Variants in GRIK1 observed in about 807,000 individuals in gnomAD.
The protein encoded by GRIK1 is glutamate receptor ionotropic, kainate 1.
A neutral mutation model predicts 105.7 loss-of-function variants in GRIK1; 69 were observed. That is an observed-to-expected ratio of 0.65 (90% CI 0.54 to 0.80). The LOEUF (loss-of-function observed/expected upper bound fraction) is 0.80, where lower values mean the gene tolerates loss of function less well. GRIK1 is among the 30% of genes least tolerant of loss of function. GRIK1 has a pLI of 0.00. For missense variants in GRIK1, 1,109 were observed against 1,167.3 expected (o/e 0.95, Z 0.73); for synonymous variants, 438 against 431.3 (o/e 1.02, Z -0.19).
At chr21:29,600,611 C>T (rs375157232) in intron 7 of GRIK1, among the ~76,000 whole-genome samples, 2 of 152,162 alleles carry the variant, frequency 1.3e-5, no homozygotes, top group East Asian at 1.9e-4. Context: ...CAGTTATTTG[C>T]GCCACGTATA....
chr21:29,717,870 C>G (rs1445232791), intron 1 of GRIK1, among the ~76,000 whole-genome samples: 1 of 152,124 alleles, frequency 6.6e-6, no homozygotes, highest in African/African-American at 2.4e-5. Context: ...TGTCCCCACT[C>G]AAATCTCATC....
chr21:29,854,141 GAGC>G (rs1439382000), intron 1 of GRIK1, among the ~76,000 whole-genome samples: 1 of 152,140 alleles, frequency 6.6e-6, no homozygotes, highest in East Asian at 1.9e-4. Context: ...GGGTCTCAGG[GAGC>G]TTCCACTTGT....
intron 1 of GRIK1, among the ~76,000 whole-genome samples, chr21:29,852,056 T>C (rs1381094749): frequency 1.3e-5 from 2 of 152,156 alleles, no homozygotes; most frequent in Non-Finnish European, 1.5e-5. Flanking sequence ...TTCCACAGTT[T>C]CTCACATTTC....
intron 1 of GRIK1, among the ~76,000 whole-genome samples, chr21:29,746,897 A>G (rs975901786): frequency 1.3e-5 from 2 of 152,190 alleles, no homozygotes; most frequent in Non-Finnish European, 2.9e-5. Flanking sequence ...CTGCCATACA[A>G]AATAATCAAA....
At chr21:29,566,429 T>C (rs1409261690) in intron 14 of GRIK1, among the ~76,000 whole-genome samples, 1 of 152,212 alleles carries the variant, frequency 6.6e-6, no homozygotes, top group East Asian at 1.9e-4. Context: ...GATAAATGCA[T>C]TTTATCTGTT....
At chr21:29,753,258 T>C (rs1037458206) in intron 1 of GRIK1, among the ~76,000 whole-genome samples, 2 of 152,232 alleles carry the variant, frequency 1.3e-5, no homozygotes. Context: ...TCATGTATAA[T>C]AAAATATAAT....
At chr21:29,576,924 G>A (rs959887149) in intron 14 of GRIK1, 40 bp downstream of exon 14, 6 of 1,051,016 alleles carry the variant, frequency 5.7e-6, no homozygotes, top group African/African-American at 3.2e-5. Context: ...TCTACCACAA[G>A]TATCAGATAA....
intron 1 of GRIK1, among the ~76,000 whole-genome samples, chr21:29,766,803 C>T (rs1024692588): frequency 6.6e-6 from 1 of 151,722 alleles, no homozygotes; most frequent in Non-Finnish European, 1.5e-5. Flanking sequence ...TGAAAACAGT[C>T]TCTTTGAAAT....
rs1491373479 is a variant in GRIK1, at chr21:29,560,400, C to CCTTCCTTCCTTT, written c.2356+1223_2356+1224insAAAGGAAGGAAG. ...TCCTTCCTTCCTTCCTTCCTTCCTT[C>CCTTCCTTCCTTT]CTTTCTTTCTTTCTTTCTTTCTTTC... On this transcript the variant is annotated intron_variant, in intron 15 of 17. Coordinates refer to ENST00000327783, the MANE Select transcript of GRIK1 (RefSeq NM_001330994.2). Among the ~76,000 whole-genome samples, 255 of 67,058 alleles carry CCTTCCTTCCTTT rather than the reference C, an allele frequency of 3.8e-3. 24 individuals are homozygous for CCTTCCTTCCTTT. The highest frequency in any genetic ancestry group is 8.1e-3 in the African/African-American group (87 of 10,762). 44.0% of individuals were successfully genotyped at this position (67,058 alleles called of 152,430 possible).
At chr21:29,840,079 G>A (rs1174704281) in intron 1 of GRIK1, among the ~76,000 whole-genome samples, 1 of 152,170 alleles carries the variant, frequency 6.6e-6, no homozygotes, top group African/African-American at 2.4e-5. Flanking sequence ...ATGGTGTGGA[G>A]TGGGAATTGA....
In GRIK1 at chr21:29,839,490, A is replaced by G. The variant is rs545720945; in HGVS notation, c.118+99893T>C. On this transcript the variant is annotated intron_variant, in intron 1 of 17. Coordinates refer to ENST00000327783, the MANE Select transcript of GRIK1 (RefSeq NM_001330994.2). ...ACTATATTGATAGTCTAGAATTTCA[A>G]TGATAATTGTGAGATCCCATTCTTG... Among the ~76,000 whole-genome samples, 6 of 152,340 alleles carry G rather than the reference A, an allele frequency of 3.9e-5. No homozygotes were observed. The East Asian group carries it at 5.8e-4, about 15-fold the overall frequency.
intron 1 of GRIK1, among the ~76,000 whole-genome samples, chr21:29,917,434 A>G (rs562080478): frequency 1.3e-5 from 2 of 152,142 alleles, no homozygotes; most frequent in African/African-American, 4.8e-5. Context: ...CATTTTAAAC[A>G]TAACAATTTA....
At chr21:29,605,718 G>A (rs554609771) in intron 7 of GRIK1, among the ~76,000 whole-genome samples, 8 of 152,148 alleles carry the variant, frequency 5.3e-5, no homozygotes, top group South Asian at 2.1e-4. Flanking sequence ...CGGCAACCTC[G>A]CCAGCATCTG....
intron 1 of GRIK1, among the ~76,000 whole-genome samples, chr21:29,745,388 G>A (rs571173536): frequency 6.6e-6 from 1 of 152,322 alleles, no homozygotes; most frequent in African/African-American, 2.4e-5. Context: ...GTTAAGCTAT[G>A]CCCAGATTCC....
chr21:29,624,991 C>T (rs1759475871), intron 7 of GRIK1, among the ~76,000 whole-genome samples: 1 of 152,214 alleles, frequency 6.6e-6, no homozygotes, highest in South Asian at 2.1e-4. Context: ...AGGGTGAGCT[C>T]ATAGCAGGTC....
At chr21:29,682,981 C>T (rs996349220) in intron 3 of GRIK1, among the ~76,000 whole-genome samples, 38 of 151,600 alleles carry the variant, frequency 2.5e-4, no homozygotes, top group Admixed American at 4.6e-4. Context: ...AAGACGTGAA[C>T]AGACACTTCT....
At chr21:29,784,618 A>G (rs1281632364) in intron 1 of GRIK1, among the ~76,000 whole-genome samples, 1 of 152,226 alleles carries the variant, frequency 6.6e-6, no homozygotes, top group Non-Finnish European at 1.5e-5. Context: ...TATGACATAC[A>G]CAGAAAATCT....
At chr21:29,831,484 T>C (rs1179351414) in intron 1 of GRIK1, among the ~76,000 whole-genome samples, 1 of 152,114 alleles carries the variant, frequency 6.6e-6, no homozygotes, top group East Asian at 1.9e-4. Context: ...TGACTCATGG[T>C]TCAACAGAAA....
At chr21:29,707,677 T>A (rs1160460035) in intron 1 of GRIK1, among the ~76,000 whole-genome samples, 2 of 151,986 alleles carry the variant, frequency 1.3e-5, no homozygotes, top group East Asian at 3.9e-4. Context: ...GTATTTTTAG[T>A]AGAGACAGGG....
Sources: allele counts gnomAD v4.1 joint callset (sites outside exome capture counted in the v4.1 genomes callset), GRCh38; gene constraint gnomAD v4.1.1; transcripts MANE v1.5; gene names NCBI Gene and HGNC (gene_info 2026-07-23, HGNC 2026-07-21).